CCDC191: variants seen among roughly 807,000 people sequenced by gnomAD.
CCDC191 encodes coiled-coil domain-containing protein 191.
A neutral mutation model predicts 114.0 loss-of-function variants in CCDC191; 99 were observed. The ratio of observed to expected loss-of-function variants is 0.87; its 90% CI spans 0.74 to 1.03. CCDC191 has a LOEUF of 1.03. CCDC191 is among the 50% of genes least tolerant of loss of function. CCDC191 has a pLI of 0.00. For missense variants in CCDC191, 973 were observed against 1,087.0 expected (o/e 0.90, Z 1.47); for synonymous variants, 351 against 376.0 (o/e 0.93, Z 0.77).
At chr3:113,983,754 TA>T (rs1346505897) in intron 13 of CCDC191, among the ~76,000 whole-genome samples, 2 of 152,236 alleles carry the variant, frequency 1.3e-5, no homozygotes, top group Non-Finnish European at 2.9e-5. Context: ...GATAAGCAAT[TA>T]TGGAAAAACT....
chr3:114,016,144 G>A (rs1303363922), intron 8 of CCDC191, among the ~76,000 whole-genome samples: 12 of 152,174 alleles, frequency 7.9e-5, no homozygotes, highest in Non-Finnish European at 1.8e-4. Context: ...TTTAAATAAC[G>A]AACATAATAA....
chr3:114,031,418 G>C (rs2076402139), intron 7 of CCDC191, among the ~76,000 whole-genome samples: 1 of 152,186 alleles, frequency 6.6e-6, no homozygotes, highest in South Asian at 2.1e-4. Flanking sequence ...GATCCCACCA[G>C]AGTATACAAA....
At chr3:113,979,113 C>T (rs2075045116) in intron 14 of CCDC191, 103 bp from the exon 15 acceptor site, 11 of 1,055,910 alleles carry the variant, frequency 1.0e-5, no homozygotes, top group East Asian at 2.6e-5. Context: ...TTTAGGCAGT[C>T]GGTAGAGAAT....
intron 13 of CCDC191, among the ~76,000 whole-genome samples, chr3:113,989,659 T>TA (rs1459850177): frequency 1.3e-5 from 2 of 152,156 alleles, no homozygotes; most frequent in African/African-American, 4.8e-5. Context: ...AAAGAGTACT[T>TA]AGAGGGAAAT....
chr3:113,996,685 G>A (rs368765751), intron 13 of CCDC191, among the ~76,000 whole-genome samples: 9 of 152,188 alleles, frequency 5.9e-5, no homozygotes, highest in Non-Finnish European at 1.0e-4. Context: ...GGAATGCTAT[G>A]CAGCCATAAG....
chr3:113,990,931 C>CAAAAAA (rs35483860), intron 13 of CCDC191, among the ~76,000 whole-genome samples: 1 of 47,632 alleles, frequency 2.1e-5, no homozygotes, highest in African/African-American at 9.1e-5. Context: ...TAAAGCACCT[C>CAAAAAA]AAAAAAAAAA....
At chr3:113,966,649 A>G (rs1940204011) in intron 16 of CCDC191, among the ~76,000 whole-genome samples, 1 of 152,178 alleles carries the variant, frequency 6.6e-6, no homozygotes, top group Admixed American at 6.5e-5. Flanking sequence ...AGAGTAGTTA[A>G]GCTTATATTT....
intron 13 of CCDC191, among the ~76,000 whole-genome samples, chr3:113,986,908 A>G (rs1420036778): frequency 2.6e-5 from 4 of 152,154 alleles, no homozygotes; most frequent in Non-Finnish European, 4.4e-5. Flanking sequence ...CCCTTTCCAA[A>G]AGCCAACCAT....
intron 16 of CCDC191, among the ~76,000 whole-genome samples, chr3:113,969,088 C>T (rs974555911): frequency 1.3e-5 from 2 of 152,070 alleles, no homozygotes; most frequent in African/African-American, 4.8e-5. Flanking sequence ...TTTTAACAAC[C>T]AGCTCTTCCG....
chr3:113,983,836 A>G (rs1276853610), intron 13 of CCDC191, among the ~76,000 whole-genome samples: 1 of 152,246 alleles, frequency 6.6e-6, no homozygotes, highest in Admixed American at 6.5e-5. Flanking sequence ...CATCAATCAG[A>G]AGTATATATA....
intron 9 of CCDC191, among the ~76,000 whole-genome samples, chr3:114,008,144 C>T (rs1380053131): frequency 7.0e-6 from 1 of 142,394 alleles, no homozygotes; most frequent in African/African-American, 2.6e-5. Flanking sequence ...AGTAATTTTT[C>T]TGTTTTGCAC....
chr3:114,016,227 T>C (rs567580285), intron 8 of CCDC191, among the ~76,000 whole-genome samples: 4 of 152,352 alleles, frequency 2.6e-5, no homozygotes, highest in African/African-American at 9.6e-5. Context: ...GCTAAGTTTC[T>C]ATAGTGAGTA....
chr3:114,046,737 A>G lies in CCDC191; in HGVS notation c.130-5T>C. On this transcript the variant is annotated splice_region_variant and splice_polypyrimidine_tract_variant and intron_variant, in intron 2 of 16. Transcript: ENST00000295878. ...CTCTGAGGCTTTCTCCACTCTCTTC[A>G]ATATAACAGAAAAAAAAATCCATAA... 6.4e-7 allele frequency: 1 copy of G among 1,574,134 alleles called. No homozygotes were observed. The highest frequency in any genetic ancestry group is 8.6e-7 in the Non-Finnish European group (1 of 1,160,802).
At chr3:113,984,548 G>A (rs1300778943) in intron 13 of CCDC191, 1 of 152,194 alleles carries the variant, frequency 6.6e-6, no homozygotes, top group Non-Finnish European at 1.5e-5. Flanking sequence ...GAAAATCTGA[G>A]TGGAGAAGCA....
intron 14 of CCDC191, among the ~76,000 whole-genome samples, chr3:113,979,418 A>G (rs1431428923): frequency 1.3e-5 from 2 of 152,228 alleles, no homozygotes; most frequent in East Asian, 3.8e-4. Context: ...GGAAATGCCA[A>G]TACTTTCAAT....
chr3:114,041,485 G>A (rs903998052), intron 4 of CCDC191, among the ~76,000 whole-genome samples: 10 of 152,172 alleles, frequency 6.6e-5, no homozygotes, highest in African/African-American at 2.4e-4. Flanking sequence ...GAGAATTAGA[G>A]CCTCACAGCA....
intron 8 of CCDC191, among the ~76,000 whole-genome samples, chr3:114,012,222 CGTGTGTGT>C (rs35908762): frequency 2.0e-5 from 3 of 150,508 alleles, no homozygotes; most frequent in African/African-American, 7.3e-5. Context: ...ACTCAATATA[CGTGTGTGT>C]GTGTGTGTGT....
At chr3:114,045,648 G>A (rs1051721605) in intron 3 of CCDC191, among the ~76,000 whole-genome samples, 8 of 152,032 alleles carry the variant, frequency 5.3e-5, no homozygotes, top group Non-Finnish European at 1.0e-4. Context: ...GGCTTGGAAA[G>A]CCCTATGTGA....
chr3:113,978,829 A>G, intron 15 of CCDC191, 29 bp downstream of exon 15: 1 of 1,604,148 alleles, frequency 6.2e-7, no homozygotes, highest in African/African-American at 1.3e-5. Context: ...AATGAGATGT[A>G]TTTAAGGTAC....
Sources: gnomAD v4.1 joint callset for allele counts (sites outside exome capture counted in the v4.1 genomes callset) on GRCh38, gnomAD v4.1.1 for gene constraint, MANE v1.5 for transcripts, NCBI Gene and HGNC (gene_info 2026-07-23, HGNC 2026-07-21) for gene names.